The following SHTN1 variants were observed in gnomAD, a reference collection of about 807,000 sequenced individuals.
SHTN1 encodes shootin-1.
Under a neutral mutation model 83.1 loss-of-function variants are expected in SHTN1, and 42 were observed. The observed-to-expected ratio is 0.51, with a 90% CI of 0.39 to 0.65. The LOEUF (loss-of-function observed/expected upper bound fraction) is 0.65, where lower values mean the gene tolerates loss of function less well. SHTN1 is among the 30% of genes least tolerant of loss of function. The pLI is 0.00. For synonymous variants in SHTN1, 224 were observed against 247.7 expected, an observed-to-expected ratio of 0.90 and a Z score of 0.90; for missense variants, 622 against 737.8, an observed-to-expected ratio of 0.84 and a Z score of 1.82.
At chr10:116,897,917 C>T (rs1847578711) in intron 16 of SHTN1, among the ~76,000 whole-genome samples, 1 of 152,180 alleles carries the variant, frequency 6.6e-6, no homozygotes, top group Admixed American at 6.5e-5. Context: ...CTCCCGTCTA[C>T]AGGCTTTTAT....
Position 116,901,933 on chromosome 10 carries a change from G to C in SHTN1, c.1505C>G (p.Ser502Ter). Residue 502 changes from serine to a stop codon, truncating the protein, a stop_gained, in exon 16 of 17, where the codon TCA (serine) becomes TGA (stop). Transcript: ENST00000355371. LOFTEE classifies it high-confidence loss of function. Reference sequence around the variant, plus strand: ...CAACACTGGCATGGATTTGGACTCTGAGGTGGCTAATATCCCAGTTGGACC... The same window carrying C: ...CAACACTGGCATGGATTTGGACTCTCAGGTGGCTAATATCCCAGTTGGACC... Reference protein sequence around the residue: ...SSSPTGILATSESKSMPVLGS... With the variant: ...SSSPTGILAT The C allele has an allele frequency of 6.2e-7, 1 of 1,601,884 alleles. No individual in the cohort carries two copies.
At chr10:117,032,545 T>C (rs1249612063) in intron 2 of SHTN1, among the ~76,000 whole-genome samples, 4 of 151,988 alleles carry the variant, frequency 2.6e-5, no homozygotes, top group Admixed American at 2.6e-4. Context: ...CATTGATAAA[T>C]AAAGCCAATA....
At chr10:117,112,114 C>T (rs1223082799) in intron 1 of SHTN1, among the ~76,000 whole-genome samples, 4 of 152,080 alleles carry the variant, frequency 2.6e-5, no homozygotes, top group East Asian at 3.9e-4. Flanking sequence ...TACAGGCACA[C>T]GCCACCATGC....
chr10:117,020,159 G>A (rs1480143198), intron 2 of SHTN1, among the ~76,000 whole-genome samples: 1 of 152,032 alleles, frequency 6.6e-6, no homozygotes, highest in African/African-American at 2.4e-5. Context: ...AAGACTGTCT[G>A]GAATTGGCAT....
At chr10:117,001,424 G>A (rs552222937) in intron 1 of SHTN1, among the ~76,000 whole-genome samples, 3 of 152,228 alleles carry the variant, frequency 2.0e-5, no homozygotes, top group African/African-American at 4.8e-5. Context: ...GACAGACTCC[G>A]TCATTACATT....
intron 1 of SHTN1, among the ~76,000 whole-genome samples, chr10:116,991,100 C>G (rs1462476696): frequency 2.0e-5 from 3 of 152,016 alleles, no homozygotes; most frequent in Non-Finnish European, 4.4e-5. Flanking sequence ...GCAGGAGAAT[C>G]GCTTGAACCC....
chr10:117,045,729 G>A (rs1003739587), intron 2 of SHTN1, among the ~76,000 whole-genome samples: 2 of 152,136 alleles, frequency 1.3e-5, no homozygotes, highest in Admixed American at 6.5e-5. Flanking sequence ...AAATTCCAAG[G>A]CATACTAAAA....
chr10:116,888,378 A>G (rs1410510941), intron 16 of SHTN1, among the ~76,000 whole-genome samples: 1 of 152,224 alleles, frequency 6.6e-6, no homozygotes, highest in African/African-American at 2.4e-5. Context: ...GAGTAATATT[A>G]AGGATTGATC....
chr10:117,065,981 C>T (rs1852995014), intron 1 of SHTN1, among the ~76,000 whole-genome samples: 1 of 150,880 alleles, frequency 6.6e-6, no homozygotes, highest in Admixed American at 6.6e-5. Flanking sequence ...AGGTGGGAGG[C>T]TTGAGGCCAG....
intron 3 of SHTN1, among the ~76,000 whole-genome samples, chr10:116,962,907 A>G (rs1025600301): frequency 1.3e-5 from 2 of 152,130 alleles, no homozygotes; most frequent in Admixed American, 6.5e-5. Flanking sequence ...TGGGAAGAGT[A>G]TATTTCAAAG....
intron 4 of SHTN1, among the ~76,000 whole-genome samples, chr10:116,958,950 T>C (rs1850081088): frequency 6.6e-6 from 1 of 152,202 alleles, no homozygotes; most frequent in South Asian, 2.1e-4. Context: ...TCACTCTGGA[T>C]GTGCTATGAC....
chr10:117,056,054 AC>A (rs1161146719), intron 1 of SHTN1, among the ~76,000 whole-genome samples: 2 of 152,200 alleles, frequency 1.3e-5, no homozygotes, highest in Admixed American at 1.3e-4. Context: ...TAGTCCTATA[AC>A]CATCAAAGAA....
intron 11 of SHTN1, among the ~76,000 whole-genome samples, chr10:116,926,653 TGAATAAATGGCCTC>T (rs1352932269): frequency 6.6e-6 from 1 of 151,436 alleles, no homozygotes; most frequent in African/African-American, 2.4e-5. Context: ...GTGCAAAGTA[TGAATAAATGGCCTC>T]TCTGTGTGAA....
chr10:116,921,309 C>T (rs1040095421), intron 12 of SHTN1, 125 bp downstream of exon 12: 3 of 640,010 alleles, frequency 4.7e-6, no homozygotes, highest in Admixed American at 3.0e-5. Context: ...TTCATTCTTA[C>T]AGCTGTTCAG....
rs560517552 is a variant in SHTN1 at position 116,937,375 on chromosome 10, G to A, written c.858+3091C>T. Among the ~76,000 whole-genome samples, 11 of 152,172 alleles carry A rather than the reference G, an allele frequency of 7.2e-5. No individual in the cohort carries two copies. The South Asian group carries it at 1.7e-3, about 23-fold the overall frequency. ...AGGGCTGGCGGTGACAAAATCTCTC[G>A]GCATTTGTCTGTCTGTAAAGGATTT... On this transcript the variant is annotated intron_variant, in intron 9 of 16. Transcript: ENST00000355371.
intron 2 of SHTN1, among the ~76,000 whole-genome samples, chr10:117,012,901 T>C (rs987228167): frequency 6.6e-6 from 1 of 152,114 alleles, no homozygotes; most frequent in Admixed American, 6.5e-5. Flanking sequence ...TTTTGTATTC[T>C]AAATATTTAA....
At chr10:117,058,203 T>G (rs1455705134) in intron 1 of SHTN1, among the ~76,000 whole-genome samples, 1 of 152,092 alleles carries the variant, frequency 6.6e-6, no homozygotes, top group East Asian at 1.9e-4. Flanking sequence ...AAAACTTTCT[T>G]GCATCAAAAG....
chr10:116,989,693 G>A (rs2133507484), intron 1 of SHTN1, among the ~76,000 whole-genome samples: 2 of 152,272 alleles, frequency 1.3e-5, no homozygotes, highest in East Asian at 3.9e-4. Flanking sequence ...TTGGAAGCCT[G>A]GGACTGCTTT....
At chr10:117,009,282 TACATAGCA>T (rs1852066733), upstream of SHTN1, among the ~76,000 whole-genome samples, 1 of 152,204 alleles carries the variant, frequency 6.6e-6, no homozygotes, top group East Asian at 1.9e-4. Flanking sequence ...ATATAGATAA[TACATAGCA>T]AAATTGCAGA....
Sources: allele counts gnomAD v4.1 joint callset (sites outside exome capture counted in the v4.1 genomes callset), GRCh38; gene constraint gnomAD v4.1.1; transcripts MANE v1.5; gene names NCBI Gene and HGNC (gene_info 2026-07-23, HGNC 2026-07-21).